The following SUCLG2 variants were observed in gnomAD, a reference collection of about 807,000 sequenced individuals.
The protein encoded by SUCLG2 is succinate--CoA ligase [GDP-forming] subunit beta, mitochondrial.
In SUCLG2, 42 loss-of-function variants were observed where a neutral mutation model predicts 47.9. That is an observed-to-expected ratio of 0.88 (90% CI 0.69 to 1.14). The LOEUF is 1.14. SUCLG2 is among the 50% of genes most tolerant of loss of function. SUCLG2 has a pLI of 0.00. For missense variants in SUCLG2, 571 were observed against 525.9 expected (o/e 1.09, Z -0.84); for synonymous variants, 195 against 197.3 (o/e 0.99, Z 0.10).
At position 67,459,987 on chromosome 3, in the gene SUCLG2, C is replaced by G. The variant is rs549805073; in HGVS notation, c.1062+35811G>C. Among the ~76,000 whole-genome samples, 103 of 152,302 alleles carry G rather than the reference C, an allele frequency of 6.8e-4. 3 individuals are homozygous for G. The South Asian group carries it at 0.02, about 30-fold the overall frequency. ...TCTTAAACACAGCCTTGCCAGAGGT[C>G]CCACATTACACTTTTGTTTACATAT... On this transcript the variant is annotated intron_variant, in intron 9 of 10. Transcript: ENST00000307227.
chr3:67,599,024 T>G (rs1708357444), intron 2 of SUCLG2, among the ~76,000 whole-genome samples: 1 of 152,236 alleles, frequency 6.6e-6, no homozygotes, highest in Non-Finnish European at 1.5e-5. Flanking sequence ...ACAATGATAA[T>G]GATCCTAACT....
chr3:67,576,127 T>C (rs1398326992), intron 2 of SUCLG2, among the ~76,000 whole-genome samples: 1 of 152,122 alleles, frequency 6.6e-6, no homozygotes, highest in Non-Finnish European at 1.5e-5. Context: ...CACAGCAGAG[T>C]TTCTGTGGAC....
At chr3:67,394,071 A>G (rs1222925420) in intron 10 of SUCLG2, among the ~76,000 whole-genome samples, 2 of 152,138 alleles carry the variant, frequency 1.3e-5, no homozygotes, top group Non-Finnish European at 2.9e-5. Context: ...AAAGATGGGG[A>G]AAAAACAGAG....
intron 9 of SUCLG2, among the ~76,000 whole-genome samples, chr3:67,428,383 T>C (rs1703364320): frequency 6.6e-6 from 1 of 152,200 alleles, no homozygotes; most frequent in Non-Finnish European, 1.5e-5. Flanking sequence ...CTAAGGGTCC[T>C]GACTGTTAGA....
intron 2 of SUCLG2, among the ~76,000 whole-genome samples, chr3:67,591,136 G>A (rs747142152): frequency 6.6e-6 from 1 of 152,014 alleles, no homozygotes; most frequent in Non-Finnish European, 1.5e-5. Flanking sequence ...ATACCCCTGG[G>A]GCTGTTTTAG....
Position 67,467,589 on chromosome 3 carries a change from A to G in SUCLG2, c.1062+28209T>C, listed in dbSNP as rs142566021. Reference sequence around the variant, plus strand: ...ATAGGATAGGATATCCTTTAAAGAGATTATTTGAAAACTATAAAATATTTA... The same window carrying G: ...ATAGGATAGGATATCCTTTAAAGAGGTTATTTGAAAACTATAAAATATTTA... On this transcript the variant is annotated intron_variant, in intron 9 of 10. Transcript: ENST00000307227. 3.3e-3 allele frequency among the ~76,000 whole-genome samples: 510 copies of G among 152,360 alleles called. 4 individuals are homozygous for G. The highest frequency in any genetic ancestry group is 5.3e-3 in the Non-Finnish European group (364 of 68,038).
intron 2 of SUCLG2, among the ~76,000 whole-genome samples, chr3:67,569,397 CATATT>C (rs1707551636): frequency 2.0e-5 from 3 of 152,176 alleles, no homozygotes; most frequent in Admixed American, 1.3e-4. Context: ...CAGATCTGAT[CATATT>C]TACTCTCACC....
chr3:67,410,447 A>G (rs1702909634), intron 9 of SUCLG2, among the ~76,000 whole-genome samples: 1 of 152,186 alleles, frequency 6.6e-6, no homozygotes, highest in Non-Finnish European at 1.5e-5. Flanking sequence ...ACAAGGAGTT[A>G]AAAGGACTGA....
At chr3:67,409,148 C>G (rs1018946114) in intron 9 of SUCLG2, 1 of 1,244,418 alleles carries the variant, frequency 8.0e-7, no homozygotes, top group African/African-American at 1.5e-5. Flanking sequence ...TTGTCCAGAG[C>G]TCATGGTTTT....
chr3:67,431,256 A>C (rs9868494), intron 9 of SUCLG2, among the ~76,000 whole-genome samples: 121,151 of 152,074 alleles, frequency 0.8, 48,565 homozygotes, highest in Admixed American at 0.87. Flanking sequence ...TTATCCACCA[A>C]GATCAAGTCA....
intron 9 of SUCLG2, among the ~76,000 whole-genome samples, chr3:67,476,994 C>A (rs1704779272): frequency 6.6e-6 from 1 of 152,122 alleles, no homozygotes; most frequent in South Asian, 2.1e-4. Context: ...GTCTCTGGAG[C>A]CAGAATAACC....
chr3:67,437,127 G>C (rs944305599), intron 9 of SUCLG2, among the ~76,000 whole-genome samples: 4 of 151,750 alleles, frequency 2.6e-5, no homozygotes, highest in Non-Finnish European at 4.4e-5. Context: ...GCCAGGTGTG[G>C]TTAAAAAAAA....
intron 2 of SUCLG2, among the ~76,000 whole-genome samples, chr3:67,529,838 G>A (rs2107148809): frequency 6.6e-6 from 1 of 152,304 alleles, no homozygotes; most frequent in East Asian, 1.9e-4. Context: ...ACGAATGAAA[G>A]AACTCTCTAA....
intron 4 of SUCLG2, among the ~76,000 whole-genome samples, chr3:67,522,560 C>T (rs976817784): frequency 6.6e-6 from 1 of 151,650 alleles, no homozygotes; most frequent in African/African-American, 2.4e-5. Context: ...CTAACAAGAA[C>T]AGTGAAAGAT....
chr3:67,525,612 A>C (rs963465190), intron 4 of SUCLG2, among the ~76,000 whole-genome samples: 2 of 152,232 alleles, frequency 1.3e-5, no homozygotes, highest in African/African-American at 4.8e-5. Flanking sequence ...CCTAAGTCTC[A>C]CAACTTATTC....
chr3:67,614,816 G>T (rs1297447824), intron 1 of SUCLG2, among the ~76,000 whole-genome samples: 1 of 152,108 alleles, frequency 6.6e-6, no homozygotes, highest in East Asian at 1.9e-4. Context: ...AAAGTGTCTT[G>T]CCTAGGGATC....
At chr3:67,409,753 A>C (rs2106833746) in intron 9 of SUCLG2, among the ~76,000 whole-genome samples, 1 of 152,314 alleles carries the variant, frequency 6.6e-6, no homozygotes, top group East Asian at 1.9e-4. Context: ...TTAATTATGT[A>C]TGATTAGGTA....
chr3:67,629,142 A>G (rs544276144), intron 1 of SUCLG2, among the ~76,000 whole-genome samples: 3 of 152,198 alleles, frequency 2.0e-5, no homozygotes, highest in Non-Finnish European at 4.4e-5. Context: ...ACTGGCAAAG[A>G]CAGATGTCAT....
At chr3:67,638,865 T>C (rs1701051701) in intron 1 of SUCLG2, among the ~76,000 whole-genome samples, 1 of 152,206 alleles carries the variant, frequency 6.6e-6, no homozygotes, top group Non-Finnish European at 1.5e-5. Context: ...TGCCAATAAC[T>C]GGCTCAGCAA....
Sources: gnomAD v4.1 joint callset for allele counts (sites outside exome capture counted in the v4.1 genomes callset) on GRCh38, gnomAD v4.1.1 for gene constraint, MANE v1.5 for transcripts, NCBI Gene and HGNC (gene_info 2026-07-23, HGNC 2026-07-21) for gene names.